THSD7B: variants seen among roughly 807,000 people sequenced by gnomAD.
THSD7B encodes thrombospondin type 1 domain containing 7B, also known as thrombospondin type-1 domain-containing protein 7B.
THSD7B carries 138 observed loss-of-function variants against 213.6 expected under a neutral mutation model. The observed-to-expected ratio is 0.65, with a 90% CI of 0.56 to 0.74. The LOEUF (loss-of-function observed/expected upper bound fraction) is 0.74. THSD7B is among the 30% of genes least tolerant of loss of function. The pLI is 0.00. For missense variants in THSD7B, 1,931 were observed against 1,991.5 expected (o/e 0.97, Z 0.58); for synonymous variants, 742 against 687.0 (o/e 1.08, Z -1.25).
chr2:137,495,687 A>T (rs1000292962), intron 15 of THSD7B, among the ~76,000 whole-genome samples: 1 of 152,112 alleles, frequency 6.6e-6, no homozygotes, highest in Non-Finnish European at 1.5e-5. Context: ...GCCTCTCCAA[A>T]TTCCCCCTTA....
At chr2:137,348,914 G>A (rs1164467959) in intron 12 of THSD7B, among the ~76,000 whole-genome samples, 1 of 150,782 alleles carries the variant, frequency 6.6e-6, no homozygotes, top group Non-Finnish European at 1.5e-5. Context: ...TTTTCTGGAG[G>A]GTTCAAAAAC....
At chr2:136,927,039 T>C (rs1684544755) in intron 2 of THSD7B, among the ~76,000 whole-genome samples, 1 of 152,236 alleles carries the variant, frequency 6.6e-6, no homozygotes, top group African/African-American at 2.4e-5. Context: ...AGTTTTAGGA[T>C]AAAATATGAT....
At chr2:137,549,293 C>CT (rs1312070071) in intron 15 of THSD7B, among the ~76,000 whole-genome samples, 6 of 109,784 alleles carry the variant, frequency 5.5e-5, no homozygotes, top group Admixed American at 9.8e-5. Context: ...GCAGACATGT[C>CT]TTTTTTTTCA....
chr2:137,611,873 A>T (rs1682296300), intron 17 of THSD7B, among the ~76,000 whole-genome samples: 1 of 152,132 alleles, frequency 6.6e-6, no homozygotes, highest in African/African-American at 2.4e-5. Flanking sequence ...ACAAGGTATG[A>T]TCTCTTGAAA....
intron 12 of THSD7B, among the ~76,000 whole-genome samples, chr2:137,396,051 T>C (rs1419907114): frequency 1.3e-5 from 2 of 152,048 alleles, no homozygotes; most frequent in African/African-American, 2.4e-5. Context: ...GATTCTTCTC[T>C]CTCTTTTTCT....
intron 20 of THSD7B, among the ~76,000 whole-genome samples, chr2:137,628,651 G>A (rs187162781): frequency 7.9e-4 from 120 of 152,320 alleles, no homozygotes; most frequent in African/African-American, 2.8e-3. Context: ...AAGCACTACA[G>A]TGTTGTCCTC....
At chr2:137,279,158 G>A (rs1682938235) in intron 12 of THSD7B, among the ~76,000 whole-genome samples, 2 of 152,122 alleles carry the variant, frequency 1.3e-5, no homozygotes, top group Admixed American at 6.6e-5. Context: ...TTGACTCAAA[G>A]TGAGGAGTCA....
intron 1 of THSD7B, among the ~76,000 whole-genome samples, chr2:136,879,392 C>CAA (rs888400513): frequency 6.6e-6 from 1 of 152,152 alleles, no homozygotes; most frequent in African/African-American, 2.4e-5. Flanking sequence ...ATTGACTTGG[C>CAA]AATGTGTGCT....
chr2:137,431,793 GT>G (rs1687191556), intron 14 of THSD7B, among the ~76,000 whole-genome samples: 1 of 152,118 alleles, frequency 6.6e-6, no homozygotes, highest in African/African-American at 2.4e-5. Context: ...TTTTATTGAA[GT>G]CAGGAGAAAG....
At chr2:137,646,435 A>G (rs910621377) in intron 21 of THSD7B, among the ~76,000 whole-genome samples, 1 of 145,890 alleles carries the variant, frequency 6.9e-6, no homozygotes, top group Admixed American at 7.1e-5. Context: ...TGAGGCCAGA[A>G]GTTTGAGACC....
intron 2 of THSD7B, among the ~76,000 whole-genome samples, chr2:137,000,101 G>T (rs552979892): frequency 2.0e-5 from 3 of 152,250 alleles, no homozygotes; most frequent in Admixed American, 6.5e-5. Flanking sequence ...GGGGAGGAGG[G>T]TTCATCCTTT....
intron 1 of THSD7B, among the ~76,000 whole-genome samples, chr2:136,783,558 C>T (rs1241890542): frequency 6.6e-6 from 1 of 152,076 alleles, no homozygotes; most frequent in Non-Finnish European, 1.5e-5. Flanking sequence ...CCAAGAGAGA[C>T]CTGGAACCCT....
At chr2:137,672,450 T>C (rs1296036971) in intron 27 of THSD7B, among the ~76,000 whole-genome samples, 1 of 152,202 alleles carries the variant, frequency 6.6e-6, no homozygotes, top group East Asian at 1.9e-4. Context: ...AGACTCAACA[T>C]AATGTCTATA....
intron 12 of THSD7B, among the ~76,000 whole-genome samples, chr2:137,371,438 C>T (rs991690911): frequency 1.3e-5 from 2 of 152,176 alleles, no homozygotes; most frequent in Non-Finnish European, 2.9e-5. Flanking sequence ...GACAAGGAAT[C>T]AAAAGCTGTG....
chr2:137,200,368 ATACTT>A (rs1398291496), intron 7 of THSD7B, among the ~76,000 whole-genome samples: 3 of 152,154 alleles, frequency 2.0e-5, no homozygotes, highest in African/African-American at 7.2e-5. Context: ...ATTTATGTAA[ATACTT>A]TACTGTTCAA....
intron 1 of THSD7B, among the ~76,000 whole-genome samples, chr2:136,781,995 C>G (rs1438084775): frequency 1.3e-5 from 2 of 152,148 alleles, no homozygotes; most frequent in Non-Finnish European, 2.9e-5. Context: ...GGGTAGGGCA[C>G]AGCATTAAAA....
At chr2:137,309,077 C>A (rs1266139595) in intron 12 of THSD7B, among the ~76,000 whole-genome samples, 1 of 152,062 alleles carries the variant, frequency 6.6e-6, no homozygotes, top group African/African-American at 2.4e-5. Flanking sequence ...TCCAAACGGG[C>A]TTCTAGAAAC....
intron 2 of THSD7B, among the ~76,000 whole-genome samples, chr2:136,956,774 G>A (rs915030624): frequency 6.6e-6 from 1 of 151,568 alleles, no homozygotes; most frequent in Non-Finnish European, 1.5e-5. Context: ...CTGCCTCCCG[G>A]GTTCAAGTGA....
chr2:136,901,382 A>C (rs1030728131), intron 2 of THSD7B, among the ~76,000 whole-genome samples: 1 of 152,228 alleles, frequency 6.6e-6, no homozygotes, highest in Admixed American at 6.5e-5. Flanking sequence ...TTGACGTAAA[A>C]CTTTTCACCT....
Sources: gnomAD v4.1 joint callset for allele counts (sites outside exome capture counted in the v4.1 genomes callset) on GRCh38, gnomAD v4.1.1 for gene constraint, MANE v1.5 for transcripts, NCBI Gene and HGNC (gene_info 2026-07-23, HGNC 2026-07-21) for gene names.